The following PRLR variants were observed in gnomAD, a reference collection of about 807,000 sequenced individuals.
PRLR encodes the protein prolactin receptor.
PRLR carries 13 observed loss-of-function variants against 40.2 expected under a neutral mutation model. That is an observed-to-expected ratio of 0.32 (90% confidence interval 0.21 to 0.51). The LOEUF is 0.51. Among genes scored for constraint, PRLR ranks in the 20% least tolerant of loss-of-function variants. The probability of loss-of-function intolerance (pLI) is 0.97; values close to 1 mark genes in which losing one functional copy is unlikely to be tolerated. For synonymous variants in PRLR, 269 were observed against 278.7 expected (o/e 0.97, Z 0.35); for missense variants, 656 against 747.3 (o/e 0.88, Z 1.42).
intron 1 of PRLR, among the ~76,000 whole-genome samples, chr5:35,168,606 G>A (rs1774911702): frequency 6.6e-6 from 1 of 151,708 alleles, no homozygotes; most frequent in Admixed American, 6.6e-5. Flanking sequence ...TAAACCCGTG[G>A]GTCTAAGGAG....
chr5:35,107,767 A>T (rs1467846403), intron 2 of PRLR, among the ~76,000 whole-genome samples: 1 of 152,148 alleles, frequency 6.6e-6, no homozygotes, highest in African/African-American at 2.4e-5. Context: ...CCAGGAGCAG[A>T]CGGATTCACA....
chr5:35,181,797 G>T (rs551823787), intron 1 of PRLR, among the ~76,000 whole-genome samples: 22 of 152,298 alleles, frequency 1.4e-4, no homozygotes, highest in African/African-American at 5.3e-4. Context: ...CTAAGTAGAA[G>T]TCGTCTGGGT....
At chr5:35,082,521 C>G (rs1770588036) in intron 5 of PRLR, among the ~76,000 whole-genome samples, 1 of 152,164 alleles carries the variant, frequency 6.6e-6, no homozygotes, top group South Asian at 2.1e-4. Flanking sequence ...AGTAATACCC[C>G]CATCTCCCCA....
rs1023463893 is a variant in PRLR at position 35,057,052 on chromosome 5, T to C, written c.*8037A>G. ...GTCAGAAAAGATGTTGTTAATAATA[T>C]GGATAAATAATAACTGTTCAAAAGG... On this transcript the variant is annotated 3_prime_UTR_variant, in exon 10 of 10. Coordinates refer to ENST00000618457, the MANE Select transcript of PRLR (RefSeq NM_000949.7). 1.3e-5 allele frequency: 2 copies of C among 152,206 alleles called. No individual in the cohort carries two copies. Among genetic ancestry groups the C allele is most frequent in the Non-Finnish European group, 2.9e-5 (2 of 68,024 alleles). The allele number at this position is 152,206 out of a possible 1,614,324, so 9.4% of individuals were successfully genotyped here.
chr5:35,216,812 A>G (rs1052976257), intron 1 of PRLR, among the ~76,000 whole-genome samples: 13 of 152,244 alleles, frequency 8.5e-5, no homozygotes, highest in Non-Finnish European at 1.9e-4. Flanking sequence ...TAACCCACTT[A>G]TTGAACATTC....
At chr5:35,071,598 TTTTA>T (rs1769747502) in intron 6 of PRLR, among the ~76,000 whole-genome samples, 2 of 152,094 alleles carry the variant, frequency 1.3e-5, no homozygotes, top group African/African-American at 2.4e-5. Context: ...TTATTTTTAT[TTTTA>T]TTTATTTATT....
rs148647515 is a variant in PRLR, at chr5:35,058,506, G to T, written c.*6583C>A. The T allele has an allele frequency of 1.3e-5, 2 of 152,344 alleles. No homozygotes were observed. The highest frequency in any genetic ancestry group is 2.9e-5 in the Non-Finnish European group (2 of 68,028). 9.4% of individuals were successfully genotyped at this position (152,344 alleles called of 1,614,324 possible). Reference sequence around the variant, plus strand: ...ACAACTGTTGGATTGTACTTTAAATGTGTAACACCCCAGAGCAGCTGTACA... The same window carrying T: ...ACAACTGTTGGATTGTACTTTAAATTTGTAACACCCCAGAGCAGCTGTACA... On this transcript the variant is annotated 3_prime_UTR_variant, in exon 10 of 10. Coordinates refer to ENST00000618457, the MANE Select transcript of PRLR (RefSeq NM_000949.7).
At chr5:35,097,589 T>C (rs919694286) in intron 2 of PRLR, among the ~76,000 whole-genome samples, 1 of 152,062 alleles carries the variant, frequency 6.6e-6, no homozygotes, top group South Asian at 2.1e-4. Context: ...ACAAAATCCA[T>C]GCTGGCTGTG....
At chr5:35,081,754 T>C (rs946599285) in intron 5 of PRLR, 11 of 150,788 alleles carry the variant, frequency 7.3e-5, no homozygotes, top group Admixed American at 4.6e-4. Context: ...AATATTATAA[T>C]GCTTGAGGGT....
chr5:35,126,925 G>T (rs771862907), intron 1 of PRLR, among the ~76,000 whole-genome samples: 1 of 152,186 alleles, frequency 6.6e-6, no homozygotes, highest in Non-Finnish European at 1.5e-5. Flanking sequence ...CTGGCTCAAT[G>T]TCCCAAAGAT....
intron 1 of PRLR, among the ~76,000 whole-genome samples, chr5:35,173,803 T>A (rs1022133783): frequency 7.9e-5 from 12 of 152,016 alleles, no homozygotes; most frequent in African/African-American, 1.2e-4. Context: ...AAAGGGTAGT[T>A]TTTTTTTGTT....
chr5:35,077,775 GTAT>G (rs1167921046), intron 5 of PRLR, among the ~76,000 whole-genome samples: 1 of 152,060 alleles, frequency 6.6e-6, no homozygotes, highest in African/African-American at 2.4e-5. Flanking sequence ...CACATCACAT[GTAT>G]TCCAAAGCAG....
At chr5:35,098,512 G>A (rs1771670970) in intron 2 of PRLR, among the ~76,000 whole-genome samples, 1 of 152,124 alleles carries the variant, frequency 6.6e-6, no homozygotes, top group Admixed American at 6.5e-5. Flanking sequence ...AGTAGGAGGA[G>A]GACATAAGTT....
chr5:35,141,244 AAAAC>A (rs1561329935), intron 1 of PRLR, among the ~76,000 whole-genome samples: 1 of 152,056 alleles, frequency 6.6e-6, no homozygotes, highest in Non-Finnish European at 1.5e-5. Flanking sequence ...CTGAAAAAAA[AAAAC>A]AAACCCCTAA....
chr5:35,134,014 T>C lies in PRLR; in HGVS notation c.-105-15892A>G, dbSNP rs369241707. Among the ~76,000 whole-genome samples the C allele has an allele frequency of 1.8e-4, 27 of 152,168 alleles. No individual in the cohort carries two copies. The South Asian group carries it at 5.6e-3, about 32-fold the overall frequency. On this transcript the variant is annotated intron_variant, in intron 1 of 9. Transcript: ENST00000618457. Reference sequence around the variant, plus strand: ...ATGCAAAGGCATAAGAATGATACAATGGACTCTGGGGACTTGGGGAAAGGT... The same window carrying C: ...ATGCAAAGGCATAAGAATGATACAACGGACTCTGGGGACTTGGGGAAAGGT...
chr5:35,089,943 A>G (rs1424361093), intron 2 of PRLR, among the ~76,000 whole-genome samples: 2 of 152,188 alleles, frequency 1.3e-5, no homozygotes, highest in Non-Finnish European at 2.9e-5. Context: ...CACACACCCC[A>G]GAGAAAAATT....
intron 1 of PRLR, among the ~76,000 whole-genome samples, chr5:35,163,379 G>C (rs965458553): frequency 3.3e-5 from 5 of 152,296 alleles, no homozygotes; most frequent in African/African-American, 1.2e-4. Flanking sequence ...CTGAAAGCCT[G>C]CCAGAATGAT....
chr5:35,229,749 C>G (rs551583330), intron 1 of PRLR, among the ~76,000 whole-genome samples: 1 of 152,172 alleles, frequency 6.6e-6, no homozygotes, highest in Non-Finnish European at 1.5e-5. Context: ...CTTTCCCCGC[C>G]GGATGCCCGC....
intron 4 of PRLR, 39 bp downstream of exon 4, chr5:35,086,169 C>T (rs1770836800): frequency 6.2e-7 from 1 of 1,610,282 alleles, no homozygotes; most frequent in Non-Finnish European, 8.5e-7. Flanking sequence ...AATGGGAGTA[C>T]TCATGTGGGG....
Sources: gnomAD v4.1 joint callset for allele counts (sites outside exome capture counted in the v4.1 genomes callset) on GRCh38, gnomAD v4.1.1 for gene constraint, MANE v1.5 for transcripts, NCBI Gene and HGNC (gene_info 2026-07-23, HGNC 2026-07-21) for gene names.